Variants in SLC4A8 observed in about 807,000 individuals in gnomAD.
SLC4A8 encodes electroneutral sodium bicarbonate exchanger 1.
A neutral mutation model predicts 125.0 loss-of-function variants in SLC4A8; 40 were observed. The ratio of observed to expected loss-of-function variants is 0.32; its 90% CI spans 0.25 to 0.42. The LOEUF (loss-of-function observed/expected upper bound fraction) is 0.42. Among genes scored for constraint, SLC4A8 ranks in the 10% least tolerant of loss-of-function variants. The probability of loss-of-function intolerance (pLI) is 1.00; values close to 1 mark genes in which losing one functional copy is unlikely to be tolerated. For synonymous variants in SLC4A8, 456 were observed against 476.0 expected, an observed-to-expected ratio of 0.96 and a Z score of 0.55; for missense variants, 863 against 1,355.1, an observed-to-expected ratio of 0.64 and a Z score of 5.70.
intron 22 of SLC4A8, chr12:51,497,565 G>GA: frequency 6.5e-6 from 1 of 154,336 alleles, no homozygotes; most frequent in Non-Finnish European, 1.4e-5. Context: ...ATTTCCCTCA[G>GA]CACTTGGCAT....
chr12:51,437,710 C>A (rs1034457547), intron 1 of SLC4A8, among the ~76,000 whole-genome samples: 1 of 152,096 alleles, frequency 6.6e-6, no homozygotes, highest in African/African-American at 2.4e-5. Context: ...TATAGCAATG[C>A]AAATGGACTA....
chr12:51,487,884 C>G (rs1951203214), intron 17 of SLC4A8, among the ~76,000 whole-genome samples: 1 of 152,228 alleles, frequency 6.6e-6, no homozygotes, highest in Admixed American at 6.5e-5. Flanking sequence ...TTTATTTATG[C>G]TGTAGACACA....
chr12:51,413,904 G>A (rs984310617), intron 1 of SLC4A8, among the ~76,000 whole-genome samples: 3 of 152,096 alleles, frequency 2.0e-5, no homozygotes, highest in Non-Finnish European at 2.9e-5. Flanking sequence ...GGCTATTTGG[G>A]ATCTTTTTTG....
chr12:51,468,611 T>A (rs1265765737), intron 11 of SLC4A8, among the ~76,000 whole-genome samples: 1 of 151,988 alleles, frequency 6.6e-6, no homozygotes, highest in East Asian at 1.9e-4. Context: ...TACAAAAAAA[T>A]TAGCCGGGCA....
intron 1 of SLC4A8, 38 bp downstream of exon 1, chr12:51,425,073 G>A: frequency 6.5e-7 from 1 of 1,541,116 alleles, no homozygotes. Flanking sequence ...CTCCTCCCCG[G>A]GGCGCAGCCT....
chr12:51,489,604 C>A (rs1019470562), intron 18 of SLC4A8, 96 bp from the exon 19 acceptor site: 2 of 1,489,192 alleles, frequency 1.3e-6, no homozygotes, highest in African/African-American at 1.4e-5. Context: ...TATCCATACA[C>A]CCCTTCATGC....
At chr12:51,491,870 T>G (rs967688146) in intron 19 of SLC4A8, among the ~76,000 whole-genome samples, 3 of 151,892 alleles carry the variant, frequency 2.0e-5, no homozygotes, top group African/African-American at 7.3e-5. Flanking sequence ...AACATGGAAC[T>G]TTTTTACTGA....
intron 1 of SLC4A8, among the ~76,000 whole-genome samples, chr12:51,418,553 G>T (rs1209607599): frequency 3.9e-5 from 6 of 152,192 alleles, no homozygotes; most frequent in African/African-American, 1.2e-4. Context: ...CTGGTTTTTG[G>T]TAAATCTAGC....
chr12:51,399,980 CA>C (rs11323317), intron 1 of SLC4A8, among the ~76,000 whole-genome samples: 37,377 of 122,710 alleles, frequency 0.3, 4,787 homozygotes, highest in Middle Eastern at 0.36. Context: ...CACTTCGTCT[CA>C]AAAAAAAAAA....
At position 51,515,328 on chromosome 12, in the gene SLC4A8, CTGAT is replaced by C. The variant is rs1938495062; in HGVS notation, c.*7893_*7896del. On this transcript the variant is annotated 3_prime_UTR_variant, in exon 25 of 25. Coordinates refer to ENST00000453097, the MANE Select transcript of SLC4A8 (RefSeq NM_001039960.3). ...CTCTTGTTTATCTGTGTCTGTCTGTCTGATTGGTTAGATTTGGCTGCCCTTCCAA... is the reference window on the plus strand; with the variant it reads ...CTCTTGTTTATCTGTGTCTGTCTGTCTGGTTAGATTTGGCTGCCCTTCCAA... 6.6e-6 allele frequency: 1 copy of C among 152,176 alleles called. No homozygotes were observed. The highest frequency in any genetic ancestry group is 1.5e-5 in the Non-Finnish European group (1 of 68,052). The allele number at this position is 152,176 out of a possible 1,614,324, so 9.4% of individuals were successfully genotyped here.
chr12:51,400,702 TGAGAG>T (rs1948355304), intron 1 of SLC4A8, among the ~76,000 whole-genome samples: 1 of 125,194 alleles, frequency 8.0e-6, no homozygotes, highest in East Asian at 2.7e-4. Flanking sequence ...CAACGGTACT[TGAGAG>T]GAGTGTGAAT....
chr12:51,421,114 A>T (rs1283894289), upstream of SLC4A8, among the ~76,000 whole-genome samples: 1 of 152,138 alleles, frequency 6.6e-6, no homozygotes, highest in Non-Finnish European at 1.5e-5. Context: ...CTGACTGAAG[A>T]TTCAAGAAGG....
chr12:51,452,227 G>A lies in SLC4A8; in HGVS notation c.381G>A (p.Glu127=). The A allele has an allele frequency of 6.2e-7, 1 of 1,614,212 alleles. No individual in the cohort carries two copies. Among genetic ancestry groups the A allele is most frequent in the Non-Finnish European group, 8.5e-7 (1 of 1,180,030 alleles). The change falls in exon 4 of 25, where the codon GAG becomes GAA. Residue 127 remains glutamate, a synonymous_variant. Coordinates refer to ENST00000453097, the MANE Select transcript of SLC4A8 (RefSeq NM_001039960.3). ...AGCTGGATGAGATCTGTATGAAAGA[G>A]GGAGAAGATGCTGAGTGGAAGGAAA... ...FTELDEICMK[E]GEDAEWKETA... is the part of the protein sequence containing the mutation.
At chr12:51,477,656 G>GT (rs1443326966) in intron 16 of SLC4A8, among the ~76,000 whole-genome samples, 1 of 152,176 alleles carries the variant, frequency 6.6e-6, no homozygotes. Context: ...CTCCCTGGAA[G>GT]TTATCATGTG....
At chr12:51,485,933 T>C (rs757080126) in intron 17 of SLC4A8, 33 bp downstream of exon 17, 1 of 1,203,914 alleles carries the variant, frequency 8.3e-7, no homozygotes, top group East Asian at 2.3e-5. Context: ...GGTGCACTCA[T>C]GTAATTTCAT....
intron 21 of SLC4A8, among the ~76,000 whole-genome samples, chr12:51,495,644 T>A (rs570878448): frequency 6.6e-6 from 1 of 151,740 alleles, no homozygotes; most frequent in East Asian, 1.9e-4. Context: ...CCCAGCTAAT[T>A]TTTTTTGTAT....
At chr12:51,407,706 T>A (rs1948515654) in intron 1 of SLC4A8, 1 of 152,194 alleles carries the variant, frequency 6.6e-6, no homozygotes, top group Non-Finnish European at 1.5e-5. Flanking sequence ...AAACTCTTGG[T>A]TTTTCCACCA....
intron 6 of SLC4A8, 111 bp downstream of exon 6, chr12:51,457,650 C>A: frequency 1.0e-6 from 1 of 984,906 alleles, no homozygotes; most frequent in Non-Finnish European, 1.5e-6. Flanking sequence ...GTTTCCATGT[C>A]CACTTAGGCA....
intron 1 of SLC4A8, among the ~76,000 whole-genome samples, chr12:51,399,574 T>A (rs1483661271): frequency 2.0e-5 from 3 of 152,236 alleles, no homozygotes; most frequent in African/African-American, 7.2e-5. Context: ...TCTCTTGATT[T>A]TCTAGGTAGA....
Sources: allele counts gnomAD v4.1 joint callset (sites outside exome capture counted in the v4.1 genomes callset), GRCh38; gene constraint gnomAD v4.1.1; transcripts MANE v1.5; gene names NCBI Gene and HGNC (gene_info 2026-07-23, HGNC 2026-07-21).